The following SH2D3A variants were observed in gnomAD, a reference collection of about 807,000 sequenced individuals.
The protein encoded by SH2D3A is SH2 domain containing 3A.
Under a neutral mutation model 50.6 loss-of-function variants are expected in SH2D3A, and 46 were observed. The ratio of observed to expected loss-of-function variants is 0.91; its 90% confidence interval spans 0.72 to 1.16. SH2D3A has a LOEUF of 1.16. Among genes scored for constraint, SH2D3A ranks in the 50% most tolerant of loss-of-function variants. The pLI, the probability that SH2D3A is intolerant of heterozygous loss-of-function variation, is 0.00. For missense variants in SH2D3A, 783 were observed against 786.2 expected, an observed-to-expected ratio of 1.00 and a Z score of 0.05; for synonymous variants, 377 against 348.4, an observed-to-expected ratio of 1.08 and a Z score of -0.91.
At chr19:6,764,872 A>AATTTT (rs1970222903) in intron 1 of SH2D3A, among the ~76,000 whole-genome samples, 1 of 103,128 alleles carries the variant, frequency 9.7e-6, no homozygotes, top group African/African-American at 4.3e-5. Context: ...TACCTGGCTA[A>AATTTT]TTTTTTTTTT....
At chr19:6,766,678 G>C (rs1012408575) in intron 1 of SH2D3A, among the ~76,000 whole-genome samples, 5 of 152,152 alleles carry the variant, frequency 3.3e-5, no homozygotes, top group African/African-American at 4.8e-5. Flanking sequence ...ATTAAAGCTC[G>C]GCACCACCCT....
At chr19:6,753,217 G>A in intron 9 of SH2D3A, 1 of 985,418 alleles carries the variant, frequency 1.0e-6, no homozygotes, top group Non-Finnish European at 1.2e-6. Context: ...ACCCGCGGAG[G>A]TGGCTCTGGG....
chr19:6,752,564 C>T lies in SH2D3A; in HGVS notation c.*29G>A. 6.7e-7 allele frequency: 1 copy of T among 1,500,022 alleles called. No individual in the cohort carries two copies. The highest frequency in any genetic ancestry group is 8.9e-7 in the Non-Finnish European group (1 of 1,120,300). The allele number at this position is 1,500,022 out of a possible 1,614,324, so 92.9% of individuals were successfully genotyped here. On this transcript the variant is annotated 3_prime_UTR_variant, in exon 10 of 10. Transcript: ENST00000245908. ...CTGGGGTTCGCAAAAACCTGGGGGTCCCGGGTGTGAAGAAGGGTGTCTGCG... is the reference window on the plus strand; with the variant it reads ...CTGGGGTTCGCAAAAACCTGGGGGTTCCGGGTGTGAAGAAGGGTGTCTGCG...
intron 1 of SH2D3A, 124 bp downstream of exon 1, chr19:6,767,263 T>A (rs12609729): frequency 0.28 from 43,084 of 151,860 alleles, 7,503 homozygotes; most frequent in African/African-American, 0.5. Context: ...ACAGCGACCC[T>A]CTCATTCGCG....
intron 2 of SH2D3A, chr19:6,761,282 C>G (rs548724954): frequency 7.1e-4 from 249 of 351,974 alleles, no homozygotes; most frequent in Admixed American, 1.1e-3. Flanking sequence ...GCATAAAACC[C>G]TGCTGCACAA....
At chr19:6,759,742 C>T in intron 3 of SH2D3A, 72 bp from the exon 4 acceptor site, 1 of 1,479,130 alleles carries the variant, frequency 6.8e-7, no homozygotes. Context: ...CTGCAAAACC[C>T]TGTGTCCAGT....
rs2145574846 is a variant in SH2D3A at position 6,754,179 on chromosome 19, T to A, written c.1273-16A>T. 1 of 1,610,650 alleles carries A rather than the reference T, an allele frequency of 6.2e-7. No individual in the cohort carries two copies. Among genetic ancestry groups the A allele is most frequent in the Non-Finnish European group, 8.5e-7 (1 of 1,178,746 alleles). ...ACCGGGACACCTGGGAGAAGAGATC[T>A]GAGCACGCCTCCTCTCCAGTCTTCC... On this transcript the variant is annotated splice_polypyrimidine_tract_variant and intron_variant, in intron 7 of 9. Coordinates refer to ENST00000245908, the MANE Select transcript of SH2D3A (RefSeq NM_005490.3).
intron 8 of SH2D3A, 108 bp from the exon 9 acceptor site, chr19:6,753,749 G>T: frequency 8.2e-7 from 1 of 1,223,088 alleles, no homozygotes; most frequent in Non-Finnish European, 1.1e-6. Context: ...GAGCGACAGC[G>T]GGGTCTGTGG....
At chr19:6,763,442 T>C (rs73920209) in intron 2 of SH2D3A, among the ~76,000 whole-genome samples, 5,431 of 152,178 alleles carry the variant, frequency 0.036, 343 homozygotes, top group African/African-American at 0.12. Context: ...CAAGAGTAGT[T>C]TGGGGGCATT....
At chr19:6,762,182 T>C (rs1206508466) in intron 2 of SH2D3A, among the ~76,000 whole-genome samples, 1 of 152,102 alleles carries the variant, frequency 6.6e-6, no homozygotes, top group African/African-American at 2.4e-5. Context: ...TATTATACCT[T>C]TTTTTGTTGT....
In SH2D3A at chr19:6,759,655, G is replaced by C; in HGVS notation, c.435C>G (p.Ser145Arg). The change falls in exon 4 of 10, where the codon AGC (serine) becomes AGG (arginine). Residue 145 changes from serine (S) to arginine (R), a missense_variant. Transcript: ENST00000245908. ...GTGCCAAATCTGCAGGCTGACTGTT[G>C]CTCCACTTCCTTGCCCTGGGGGACA... ...RIEPLRARKW[S>R]NSQPADLAHM... The C allele has an allele frequency of 6.2e-7, 1 of 1,613,798 alleles. No homozygotes were observed. The highest frequency in any genetic ancestry group is 1.1e-5 in the South Asian group (1 of 91,080).
chr19:6,752,639 T>C lies in SH2D3A; in HGVS notation c.1685A>G (p.Gln562Arg). The change falls in exon 10 of 10, where the codon CAG (glutamine) becomes CGG (arginine). Residue 562 changes from glutamine to arginine, a missense_variant. By Grantham distance (43) the Gln-to-Arg change is conservative (BLOSUM62 1). Coordinates refer to ENST00000245908, the MANE Select transcript of SH2D3A (RefSeq NM_005490.3). ...CTGCGACAGGACGCCGAGGACGCGC[T>C]GGAACTTCTCAAAGCGTTCAGCGCG... The part of the protein sequence containing the change: ...APRAERFEKF[Q>R]RVLGVLSQRL... 3 of 1,559,740 alleles carry C rather than the reference T, an allele frequency of 1.9e-6. No homozygotes were observed. The highest frequency in any genetic ancestry group is 2.6e-6 in the Non-Finnish European group (3 of 1,151,632).
At chr19:6,761,065 G>T in intron 2 of SH2D3A, 78 bp from the exon 3 acceptor site, 1 of 1,146,354 alleles carries the variant, frequency 8.7e-7, no homozygotes, top group Non-Finnish European at 1.2e-6. Flanking sequence ...CCCCACCATT[G>T]CCCCCACCAC....
chr19:6,765,866 C>T (rs563498742), intron 1 of SH2D3A, among the ~76,000 whole-genome samples: 23 of 152,228 alleles, frequency 1.5e-4, no homozygotes, highest in African/African-American at 5.5e-4. Flanking sequence ...TTTCGGAGCC[C>T]ATACATGTGG....
rs371781877 is a variant in SH2D3A, at chr19:6,763,254, G to A, written c.69+426C>T. On this transcript the variant is annotated intron_variant, in intron 2 of 9. Coordinates refer to ENST00000245908, the MANE Select transcript of SH2D3A (RefSeq NM_005490.3). Reference sequence around the variant, plus strand: ...AATTTTTGTATTTTTATTAGAGATGGGGTTTCACAATGTTGGCCAGGCTGG... The same window carrying A: ...AATTTTTGTATTTTTATTAGAGATGAGGTTTCACAATGTTGGCCAGGCTGG... Among the ~76,000 whole-genome samples, 84 of 152,082 alleles carry A rather than the reference G, an allele frequency of 5.5e-4. 5 individuals carry two copies. The South Asian group carries it at 0.013, about 24-fold the overall frequency.
chr19:6,755,102 C>T lies in SH2D3A; in HGVS notation c.710G>A (p.Arg237Gln), dbSNP rs146905494. 1,076 of 1,613,962 alleles carry T rather than the reference C, an allele frequency of 6.7e-4. No homozygotes were observed. Among genetic ancestry groups the T allele is most frequent in the Non-Finnish European group, 7.2e-4 (849 of 1,179,956 alleles). The change falls in exon 5 of 10, where the codon CGA (arginine) becomes CAA (glutamine). Residue 237 changes from arginine to glutamine, a missense_variant. By Grantham distance (43) the Arg-to-Gln change is conservative (BLOSUM62 1). Coordinates refer to ENST00000245908, the MANE Select transcript of SH2D3A (RefSeq NM_005490.3). ...RPPTYCELVP[R>Q]VPSVQGTSPS... is the part of the protein sequence containing the mutation. ...GGATGTTCCCTGGACACTGGGCACTCGGGGCACCAGCTCGCAGTACGTCGG... is the reference window on the plus strand; with the variant it reads ...GGATGTTCCCTGGACACTGGGCACTTGGGGCACCAGCTCGCAGTACGTCGG...
chr19:6,752,622 G>T lies in SH2D3A; in HGVS notation c.1702C>A (p.Leu568Met), dbSNP rs1484060371. The T allele has an allele frequency of 3.2e-6, 5 of 1,556,364 alleles. No homozygotes were observed. In the East Asian group the frequency reaches 9.5e-5, roughly 30 times the overall value. Residue 568 changes from leucine to methionine, a missense_variant, in exon 10 of 10, where the codon CTG becomes ATG. Coordinates refer to ENST00000245908, the MANE Select transcript of SH2D3A (RefSeq NM_005490.3). ...FEKFQRVLGV[L>M]SQRLEPDR is the part of the protein sequence containing the mutation. The stretch of plus-strand genomic sequence containing the variant: ...CGGTCAGGCTCCAGGCGCTGCGACA[G>T]GACGCCGAGGACGCGCTGGAACTTC...
chr19:6,763,635 G>C (rs1405027854), intron 2 of SH2D3A, 45 bp downstream of exon 2: 1 of 1,572,992 alleles, frequency 6.4e-7, no homozygotes, highest in Non-Finnish European at 8.7e-7. Flanking sequence ...AAGGGTGGGA[G>C]AGGCTCCCCA....
At position 6,754,376 on chromosome 19, in the gene SH2D3A, C is replaced by A; in HGVS notation, c.1147G>T (p.Gly383Trp). ...GCGGCTGCGCGCTCCTCCAGCGGCC[C>A]CGAGCAGCCCAGCACCGCCAGCGCC... is the stretch of plus-strand genomic sequence containing the variant. ...AGALAVLGCS[G>W]PLEERAAALR... Residue 383 changes from glycine (G) to tryptophan (W), a missense_variant, in exon 7 of 10, where the codon GGG (glycine) becomes TGG (tryptophan). Coordinates refer to ENST00000245908, the MANE Select transcript of SH2D3A (RefSeq NM_005490.3). The A allele has an allele frequency of 6.4e-7, 1 of 1,553,878 alleles. No homozygotes were observed. Among genetic ancestry groups the A allele is most frequent in the African/African-American group, 1.4e-5 (1 of 73,834 alleles).
Sources: gnomAD v4.1 joint callset for allele counts (sites outside exome capture counted in the v4.1 genomes callset) on GRCh38, gnomAD v4.1.1 for gene constraint, MANE v1.5 for transcripts, NCBI Gene and HGNC (gene_info 2026-07-23, HGNC 2026-07-21) for gene names.